PARD3B: variants seen among roughly 807,000 people sequenced by gnomAD.
The protein encoded by PARD3B is partitioning defective 3 homolog B.
A neutral mutation model predicts 130.2 loss-of-function variants in PARD3B; 103 were observed. The ratio of observed to expected loss-of-function variants is 0.79; its 90% CI spans 0.67 to 0.93. PARD3B has a LOEUF of 0.93. Among genes scored for constraint, PARD3B ranks in the 40% least tolerant of loss-of-function variants. The pLI is 0.00. For synonymous variants in PARD3B, 583 were observed against 553.2 expected, an observed-to-expected ratio of 1.05 and a Z score of -0.76; for missense variants, 1,609 against 1,499.2, an observed-to-expected ratio of 1.07 and a Z score of -1.21.
intron 2 of PARD3B, among the ~76,000 whole-genome samples, chr2:204,871,650 T>C (rs768263525): frequency 1.3e-5 from 2 of 152,190 alleles, no homozygotes; most frequent in African/African-American, 2.4e-5. Context: ...TCAGTGTTAA[T>C]TGACAAATTT....
chr2:204,614,965 C>A (rs773727837), intron 1 of PARD3B, among the ~76,000 whole-genome samples: 1 of 152,122 alleles, frequency 6.6e-6, no homozygotes. Flanking sequence ...GCCTAATACA[C>A]GCAAATTACT....
At chr2:204,641,962 T>C (rs1357696013) in intron 1 of PARD3B, among the ~76,000 whole-genome samples, 1 of 152,178 alleles carries the variant, frequency 6.6e-6, no homozygotes, top group Non-Finnish European at 1.5e-5. Context: ...TTATTCTATT[T>C]AGAAATATTG....
chr2:204,872,827 G>C (rs1313227049), intron 2 of PARD3B, among the ~76,000 whole-genome samples: 1 of 152,108 alleles, frequency 6.6e-6, no homozygotes, highest in African/African-American at 2.4e-5. Context: ...TAAGTTACTT[G>C]TAGGCTTTAC....
rs370582551 is a variant in PARD3B, at chr2:205,611,418, C to G, written c.3261-4038C>G. On this transcript the variant is annotated intron_variant, in intron 22 of 22. Coordinates refer to ENST00000406610, the MANE Select transcript of PARD3B (RefSeq NM_001302769.2). Reference sequence around the variant, plus strand: ...GCTTAGTCTCTGATTTCCAGCCCCCCTTTTGCTTAATGAAAAATACTGACA... The same window carrying G: ...GCTTAGTCTCTGATTTCCAGCCCCCGTTTTGCTTAATGAAAAATACTGACA... Among the ~76,000 whole-genome samples the G allele has an allele frequency of 5.3e-5, 8 of 152,310 alleles. No individual in the cohort carries two copies. In the South Asian group the frequency reaches 8.3e-4, roughly 16 times the overall value.
chr2:204,651,234 T>A (rs1360906961), intron 1 of PARD3B, among the ~76,000 whole-genome samples: 1 of 152,170 alleles, frequency 6.6e-6, no homozygotes, highest in Non-Finnish European at 1.5e-5. Flanking sequence ...ACAAGACAAG[T>A]CCCTTCCATC....
At chr2:205,468,227 C>G (rs149091848) in intron 20 of PARD3B, among the ~76,000 whole-genome samples, 1 of 152,348 alleles carries the variant, frequency 6.6e-6, no homozygotes, top group East Asian at 1.9e-4. Context: ...ACAACTAACT[C>G]AGGCACATGT....
chr2:205,097,787 T>C (rs978869979), intron 4 of PARD3B, among the ~76,000 whole-genome samples: 1 of 151,910 alleles, frequency 6.6e-6, no homozygotes, highest in African/African-American at 2.4e-5. Flanking sequence ...ATATCTCTAA[T>C]TGTCATGCCA....
At chr2:205,583,841 C>T (rs1019998995) in intron 22 of PARD3B, among the ~76,000 whole-genome samples, 1 of 152,188 alleles carries the variant, frequency 6.6e-6, no homozygotes, top group African/African-American at 2.4e-5. Context: ...CACCTCACCT[C>T]CAGTTCTACT....
chr2:205,214,022 C>T (rs1433806890), intron 15 of PARD3B, among the ~76,000 whole-genome samples: 1 of 152,036 alleles, frequency 6.6e-6, no homozygotes, highest in East Asian at 1.9e-4. Flanking sequence ...CCCTCCTAGT[C>T]TTCTGTTCAT....
chr2:204,812,178 A>G (rs576779066), intron 2 of PARD3B, among the ~76,000 whole-genome samples: 32 of 152,324 alleles, frequency 2.1e-4, no homozygotes, highest in African/African-American at 7.2e-4. Context: ...TTGAGATTTA[A>G]TGATATTGCA....
At chr2:205,170,230 C>T (rs990448450) in intron 11 of PARD3B, among the ~76,000 whole-genome samples, 13 of 152,110 alleles carry the variant, frequency 8.5e-5, no homozygotes, top group African/African-American at 2.4e-4. Context: ...GTGCCCAGCC[C>T]GTCATATCCC....
At chr2:205,220,829 T>C (rs893857736) in intron 15 of PARD3B, among the ~76,000 whole-genome samples, 3 of 152,134 alleles carry the variant, frequency 2.0e-5, no homozygotes, top group African/African-American at 7.2e-5. Context: ...GAAAAGAGCA[T>C]GTTCCAAAAC....
At chr2:205,356,521 C>A (rs376496673) in intron 18 of PARD3B, among the ~76,000 whole-genome samples, 1 of 152,060 alleles carries the variant, frequency 6.6e-6, no homozygotes, top group Non-Finnish European at 1.5e-5. Flanking sequence ...AGCCACTGCA[C>A]CTGGCTGAGA....
intron 20 of PARD3B, among the ~76,000 whole-genome samples, chr2:205,476,437 C>A (rs1559129607): frequency 6.6e-6 from 1 of 152,092 alleles, no homozygotes; most frequent in Non-Finnish European, 1.5e-5. Context: ...ACCCTTAATG[C>A]ATAAATTTCT....
chr2:204,700,795 G>A (rs2037854171), intron 2 of PARD3B, among the ~76,000 whole-genome samples: 1 of 152,006 alleles, frequency 6.6e-6, no homozygotes, highest in East Asian at 1.9e-4. Flanking sequence ...AAGGTTAAAA[G>A]GTGGTAGGAC....
intron 2 of PARD3B, among the ~76,000 whole-genome samples, chr2:204,824,838 T>A (rs1457240168): frequency 6.6e-6 from 1 of 152,162 alleles, no homozygotes; most frequent in Non-Finnish European, 1.5e-5. Flanking sequence ...TAGAAATAAA[T>A]GAAGACGCTG....
chr2:205,521,182 GT>G, intron 21 of PARD3B, among the ~76,000 whole-genome samples: 1 of 151,506 alleles, frequency 6.6e-6, no homozygotes, highest in African/African-American at 2.4e-5. Flanking sequence ...TTGAGTGTTT[GT>G]ATTTTTCCTA....
chr2:204,879,146 G>A (rs886298590), intron 2 of PARD3B, among the ~76,000 whole-genome samples: 1 of 152,144 alleles, frequency 6.6e-6, no homozygotes, highest in Non-Finnish European at 1.5e-5. Flanking sequence ...ATTCTGTAAT[G>A]ACCATTCAAG....
chr2:205,455,008 T>A (rs2048224592), intron 20 of PARD3B, among the ~76,000 whole-genome samples: 1 of 152,138 alleles, frequency 6.6e-6, no homozygotes, highest in African/African-American at 2.4e-5. Flanking sequence ...TAGTATTTAT[T>A]TACACTGTGG....
Sources: allele counts gnomAD v4.1 joint callset (sites outside exome capture counted in the v4.1 genomes callset), GRCh38; gene constraint gnomAD v4.1.1; transcripts MANE v1.5; gene names NCBI Gene and HGNC (gene_info 2026-07-23, HGNC 2026-07-21).